Variants in CCDC30 observed in about 807,000 individuals in gnomAD.
CCDC30 encodes coiled-coil domain containing 30.
CCDC30 carries 70 observed loss-of-function variants against 100.2 expected under a neutral mutation model. The observed-to-expected ratio is 0.70, with a 90% CI of 0.58 to 0.85. The LOEUF (loss-of-function observed/expected upper bound fraction) is 0.85. Ranked by LOEUF, CCDC30 falls within the 40% of genes least tolerant of loss-of-function variation. The pLI is 0.00. For missense variants in CCDC30, 652 were observed against 771.2 expected (o/e 0.85, Z 1.83); for synonymous variants, 233 against 269.5 (o/e 0.86, Z 1.33).
chr1:42,613,163 A>T (rs1364378926), intron 11 of CCDC30, among the ~76,000 whole-genome samples: 2 of 152,228 alleles, frequency 1.3e-5, no homozygotes, highest in African/African-American at 4.8e-5. Context: ...CTATAGACAG[A>T]GGCTGCCCCG....
At chr1:42,577,840 C>T (rs1645873805) in intron 8 of CCDC30, among the ~76,000 whole-genome samples, 1 of 152,032 alleles carries the variant, frequency 6.6e-6, no homozygotes, top group South Asian at 2.1e-4. Flanking sequence ...TGGGGTTTCA[C>T]CGTGTTAGCC....
At chr1:42,634,079 CT>C (rs1399597934) in intron 11 of CCDC30, among the ~76,000 whole-genome samples, 1 of 152,054 alleles carries the variant, frequency 6.6e-6, no homozygotes, top group East Asian at 1.9e-4. Context: ...CAGGTATCAC[CT>C]CCCGTCCATG....
At chr1:42,512,115 T>C (rs1644487593) in intron 6 of CCDC30, among the ~76,000 whole-genome samples, 1 of 152,210 alleles carries the variant, frequency 6.6e-6, no homozygotes, top group African/African-American at 2.4e-5. Context: ...AGCATGAACA[T>C]GTCCTCAAGG....
chr1:42,643,564 A>G (rs1043247200), intron 13 of CCDC30, among the ~76,000 whole-genome samples: 1 of 152,202 alleles, frequency 6.6e-6, no homozygotes, highest in Non-Finnish European at 1.5e-5. Context: ...TTACCTTTGC[A>G]TTAACATTAA....
chr1:42,600,518 A>G (rs1258279298), intron 10 of CCDC30, among the ~76,000 whole-genome samples: 1 of 152,160 alleles, frequency 6.6e-6, no homozygotes, highest in African/African-American at 2.4e-5. Flanking sequence ...GCTCTCATGG[A>G]ATGTTAATCA....
intron 6 of CCDC30, among the ~76,000 whole-genome samples, chr1:42,550,485 C>T (rs554499224): frequency 6.6e-6 from 1 of 152,202 alleles, no homozygotes; most frequent in African/African-American, 2.4e-5. Flanking sequence ...CCTACCTCCT[C>T]CTCATCTTGC....
rs142037684 is a variant in CCDC30, at chr1:42,536,354, T to A, written c.457-29942T>A. On this transcript the variant is annotated intron_variant, in intron 6 of 16. Transcript: ENST00000668663. Reference sequence around the variant, plus strand: ...TGTATCTTATGAGCTATAAACTAGTTTTCCTAGGTTCATAAATCCCCTGGA... The same window carrying A: ...TGTATCTTATGAGCTATAAACTAGTATTCCTAGGTTCATAAATCCCCTGGA... 5.7e-3 allele frequency: 3,367 copies of A among 595,310 alleles called. 16 individuals are homozygous for A. The highest frequency in any genetic ancestry group is 6.5e-3 in the Non-Finnish European group (2,314 of 358,100). The allele number at this position is 595,310 out of a possible 1,614,324, so 36.9% of individuals were successfully genotyped here. A position where few individuals can be genotyped will look rare whatever the true frequency, so the allele number is the denominator to read the frequency against.
rs185296426 is a variant in CCDC30 at position 42,629,655 on chromosome 1, G to A, written c.1278-7582G>A. Among the ~76,000 whole-genome samples the A allele has an allele frequency of 4.9e-3, 728 of 148,970 alleles. 8 individuals carry two copies. Among genetic ancestry groups the A allele is most frequent in the Non-Finnish European group, 8.3e-3 (559 of 67,460 alleles). ...TTTCTTTTCTTTTTTTTTTTGAGAC[G>A]GAGTCTCACTCTGTCACCCAGGCTG... On this transcript the variant is annotated intron_variant, in intron 11 of 16. Transcript: ENST00000668663.
Position 42,608,572 on chromosome 1 carries a change from G to A in CCDC30, c.1165-2406G>A, listed in dbSNP as rs113721083. Reference sequence around the variant, plus strand: ...AAAAAAATTAGCCGGACGTGGCGGTGGGCGCCTGGGTAGTCCCAGCTACTC... The same window carrying A: ...AAAAAAATTAGCCGGACGTGGCGGTAGGCGCCTGGGTAGTCCCAGCTACTC... On this transcript the variant is annotated intron_variant, in intron 10 of 16. Coordinates refer to ENST00000668663, the Ensembl canonical transcript of CCDC30. 8.1e-3 allele frequency among the ~76,000 whole-genome samples: 1,230 copies of A among 152,096 alleles called. 12 individuals carry two copies. Among genetic ancestry groups the A allele is most frequent in the African/African-American group, 0.027 (1,112 of 41,512 alleles).
At position 42,486,836 on chromosome 1, in the gene CCDC30, AAAGG is replaced by A. The variant is rs532593019; in HGVS notation, c.170-3314_170-3311del. Among the ~76,000 whole-genome samples, 152 of 152,284 alleles carry A rather than the reference AAAGG, an allele frequency of 1.0e-3. 1 individual carries two copies. The highest frequency in any genetic ancestry group is 1.6e-3 in the Non-Finnish European group (107 of 68,014). On this transcript the variant is annotated intron_variant, in intron 3 of 16. Transcript: ENST00000668663. Reference sequence around the variant, plus strand: ...ATGATAGAATACTATCTGCCAGTAAAAAGGAAGGAAGTACTTACACCTGCTACAT... The same window carrying A: ...ATGATAGAATACTATCTGCCAGTAAAAAGGAAGTACTTACACCTGCTACAT...
At chr1:42,507,710 A>T (rs1158298025) in intron 6 of CCDC30, among the ~76,000 whole-genome samples, 3 of 151,972 alleles carry the variant, frequency 2.0e-5, no homozygotes, top group Admixed American at 2.0e-4. Flanking sequence ...TACTAGGCAC[A>T]GAGAAAATCA....
At chr1:42,613,459 G>C (rs1368531156) in intron 11 of CCDC30, among the ~76,000 whole-genome samples, 1 of 151,922 alleles carries the variant, frequency 6.6e-6, no homozygotes, top group African/African-American at 2.4e-5. Flanking sequence ...GGGTTTCACC[G>C]TGTTAGCCAG....
intron 9 of CCDC30, 47 bp downstream of exon 13, chr1:42,581,561 G>A (rs749662570): frequency 8.4e-6 from 13 of 1,543,308 alleles, no homozygotes; most frequent in Non-Finnish European, 1.1e-5. Flanking sequence ...AGCCATGACT[G>A]AGTTAATCAG....
At chr1:42,469,305 G>T (rs1340948353) in intron 1 of CCDC30, among the ~76,000 whole-genome samples, 2 of 152,292 alleles carry the variant, frequency 1.3e-5, no homozygotes, top group East Asian at 3.9e-4. Flanking sequence ...TCACTAGAGC[G>T]CAGGAGTTTG....
intron 10 of CCDC30, chr1:42,592,689 G>A (rs531376669): frequency 1.6e-3 from 244 of 152,118 alleles, no homozygotes; most frequent in Middle Eastern, 6.8e-3. Flanking sequence ...ACTCCAGCCT[G>A]GACAACAAAG....
At chr1:42,654,414 C>T (rs1485377114), downstream of CCDC30, 3 of 181,676 alleles carry the variant, frequency 1.7e-5, no homozygotes, top group Admixed American at 5.8e-5. Flanking sequence ...CTATGCTGGG[C>T]GTGGTGGCTC....
chr1:42,645,132 G>T (rs1427050756), intron 14 of CCDC30, among the ~76,000 whole-genome samples: 1 of 152,074 alleles, frequency 6.6e-6, no homozygotes. Flanking sequence ...TTCCTGGAGG[G>T]CAAGGAGTGT....
In CCDC30 at chr1:42,581,341, A is replaced by C. The variant is rs752550386; in HGVS notation, c.847-19A>C. 1.3e-6 allele frequency: 2 copies of C among 1,584,620 alleles called. No individual in the cohort carries two copies. Among genetic ancestry groups the C allele is most frequent in the Admixed American group, 1.9e-5 (1 of 52,758 alleles). ...ACACTCTTCTTAATGCTTTACTTGT[A>C]AATGTTTTTTCATTCAAGATTTTGG... On this transcript the variant is annotated intron_variant, in intron 8 of 16. Coordinates refer to ENST00000668663, the Ensembl canonical transcript of CCDC30.
rs1381648067 is a variant in CCDC30 at position 42,507,686 on chromosome 1, TTGTTTTGATTA to T, written c.456+8774_456+8784del. On this transcript the variant is annotated intron_variant, in intron 6 of 16. Coordinates refer to ENST00000668663, the Ensembl canonical transcript of CCDC30. Reference sequence around the variant, plus strand: ...TAACTTTAATGTGAAACCTGGTAAGTTGTTTTGATTATGTACTAGGCACAGAGAAAATCACT... The same window carrying T: ...TAACTTTAATGTGAAACCTGGTAAGTTGTACTAGGCACAGAGAAAATCACT... Among the ~76,000 whole-genome samples, 9 of 152,358 alleles carry T rather than the reference TTGTTTTGATTA, an allele frequency of 5.9e-5. No individual in the cohort carries two copies. The East Asian group carries it at 1.5e-3, about 26-fold the overall frequency.
Sources: gnomAD v4.1 joint callset for allele counts (sites outside exome capture counted in the v4.1 genomes callset) on GRCh38, gnomAD v4.1.1 for gene constraint, MANE v1.5 for transcripts, NCBI Gene and HGNC (gene_info 2026-07-23, HGNC 2026-07-21) for gene names.